Variants in IGFBP1 observed in about 807,000 individuals in gnomAD.
IGFBP1 encodes insulin like growth factor binding protein 1.
In IGFBP1, 31 loss-of-function variants were observed where a neutral mutation model predicts 23.1. That is an observed-to-expected ratio of 1.34 (90% CI 1.01 to 1.81). The LOEUF is 1.81. IGFBP1 is among the 40% of genes most tolerant of loss of function. IGFBP1 has a pLI of 0.00. For missense variants in IGFBP1, 333 were observed against 342.2 expected (o/e 0.97, Z 0.21); for synonymous variants, 148 against 145.5 (o/e 1.02, Z -0.13).
chr7:45,892,838 C>T (rs1200447021), intron 3 of IGFBP1, 122 bp from the exon 4 acceptor site: 11 of 860,570 alleles, frequency 1.3e-5, no homozygotes, highest in South Asian at 1.2e-4. Context: ...GCTGGTTTCA[C>T]AGCCGGGACT....
At position 45,888,872 on chromosome 7, in the gene IGFBP1, G is replaced by A; in HGVS notation, c.220G>A (p.Ala74Thr). 2 of 1,504,812 alleles carry A rather than the reference G, an allele frequency of 1.3e-6. No homozygotes were observed. The highest frequency in any genetic ancestry group is 1.4e-5 in the African/African-American group (1 of 69,148). 93.2% of individuals were successfully genotyped at this position (1,504,812 alleles called of 1,614,324 possible). Residue 74 changes from alanine to threonine, a missense_variant, in exon 1 of 4, where the codon GCG becomes ACG. Physicochemically the swap from Ala to Thr is moderately conservative, Grantham distance 58. Transcript: ENST00000275525. ...GCCTCTGGGCGCCGCGTGCGGCGTGGCGACTGCACGCTGCGCCCGGGGACT... is the reference window on the plus strand; with the variant it reads ...GCCTCTGGGCGCCGCGTGCGGCGTGACGACTGCACGCTGCGCCCGGGGACT... ...ALPLGAACGV[A>T]TARCARGLSC...
Sources: allele counts gnomAD v4.1 joint callset, GRCh38; gene constraint gnomAD v4.1.1; transcripts MANE v1.5; gene names NCBI Gene and HGNC (gene_info 2026-07-23, HGNC 2026-07-21).